PCDHA4: variants seen among roughly 807,000 people sequenced by gnomAD.
PCDHA4 encodes the protein protocadherin alpha-4.
In PCDHA4, 49 loss-of-function variants were observed where a neutral mutation model predicts 61.4. The ratio of observed to expected loss-of-function variants is 0.80; its 90% CI spans 0.63 to 1.01. The LOEUF is 1.01. Ranked by LOEUF, PCDHA4 falls within the 50% of genes least tolerant of loss-of-function variation. PCDHA4 has a pLI of 0.00. For synonymous variants in PCDHA4, 590 were observed against 550.3 expected (o/e 1.07, Z -1.01); for missense variants, 1,254 against 1,235.8 (o/e 1.01, Z -0.22).
At chr5:140,886,436 T>A (rs1434592910) in intron 1 of PCDHA4, among the ~76,000 whole-genome samples, 2 of 152,158 alleles carry the variant, frequency 1.3e-5, no homozygotes, top group African/African-American at 4.8e-5. Context: ...TATTCATTTG[T>A]TTGTACTAAT....
At chr5:140,871,639 A>T in intron 1 of PCDHA4, 1 of 1,347,750 alleles carries the variant, frequency 7.4e-7, no homozygotes, top group East Asian at 2.5e-5. Context: ...CTGTTCATAA[A>T]ATACCAAATG....
At chr5:140,952,257 C>T (rs1224282193) in intron 1 of PCDHA4, among the ~76,000 whole-genome samples, 1 of 151,342 alleles carries the variant, frequency 6.6e-6, no homozygotes, top group Non-Finnish European at 1.5e-5. Flanking sequence ...GGTGGATTCC[C>T]ATTCTGGGGT....
intron 1 of PCDHA4, among the ~76,000 whole-genome samples, chr5:140,911,895 T>C (rs1289494210): frequency 1.3e-5 from 2 of 152,184 alleles, no homozygotes; most frequent in East Asian, 3.8e-4. Flanking sequence ...AAAATCTGTA[T>C]TAGTCAGAGC....
chr5:140,911,724 C>T (rs1255448143), intron 1 of PCDHA4, among the ~76,000 whole-genome samples: 1 of 151,192 alleles, frequency 6.6e-6, no homozygotes, highest in Non-Finnish European at 1.5e-5. Context: ...ACTCTGTAAA[C>T]AGTTCGTGCC....
chr5:140,926,799 T>A, intron 1 of PCDHA4: 2 of 1,456,322 alleles, frequency 1.4e-6, no homozygotes, highest in Non-Finnish European at 1.8e-6. Flanking sequence ...GAGCGTGCTC[T>A]TCCCCGCGGC....
intron 1 of PCDHA4, among the ~76,000 whole-genome samples, chr5:140,900,355 G>A (rs555553636): frequency 1.4e-4 from 21 of 152,070 alleles, no homozygotes; most frequent in East Asian, 3.9e-4. Flanking sequence ...TTGGCTCACC[G>A]CAACCTCTGC....
intron 1 of PCDHA4, among the ~76,000 whole-genome samples, chr5:140,941,126 G>T (rs1194807243): frequency 6.6e-6 from 1 of 151,906 alleles, no homozygotes; most frequent in Non-Finnish European, 1.5e-5. Flanking sequence ...GTCCTTTGAA[G>T]TTCCAGCTTA....
chr5:140,869,293 T>C, intron 1 of PCDHA4: 2 of 1,613,604 alleles, frequency 1.2e-6, no homozygotes, highest in African/African-American at 1.3e-5. Flanking sequence ...GCAGCGCCTG[T>C]TCCGGGTGGC....
At chr5:140,831,691 C>A (rs2150109264) in intron 1 of PCDHA4, among the ~76,000 whole-genome samples, 1 of 152,138 alleles carries the variant, frequency 6.6e-6, no homozygotes, top group Admixed American at 6.6e-5. Context: ...TGAAAAGCAG[C>A]AAAAAGTAGT....
chr5:140,829,686 A>C, intron 1 of PCDHA4: 1 of 1,613,286 alleles, frequency 6.2e-7, no homozygotes, highest in Non-Finnish European at 8.5e-7. Context: ...GAGCTGCTGC[A>C]GTTTCAGGTG....
chr5:140,850,259 C>G lies in PCDHA4; in HGVS notation c.2385+40687C>G, dbSNP rs2150476080. The stretch of plus-strand genomic sequence containing the variant: ...TGGTGCTGCGGTCGGTGGGCGCCGG[C>G]GTAGTGGTGGGGAAGGTGCGCGCAG... On this transcript the variant is annotated intron_variant, in intron 1 of 3. Transcript: ENST00000530339. 10 of 1,593,780 alleles carry G rather than the reference C, an allele frequency of 6.3e-6. 1 individual carries two copies. Among genetic ancestry groups the G allele is most frequent in the African/African-American group, 2.7e-5 (2 of 74,102 alleles).
At chr5:140,821,787 C>T in intron 1 of PCDHA4, 2 of 1,611,374 alleles carry the variant, frequency 1.2e-6, no homozygotes, top group East Asian at 4.5e-5. Context: ...TGGTATATTC[C>T]CGGAGAGGAA....
chr5:140,887,722 T>C (rs1214089693), intron 1 of PCDHA4, among the ~76,000 whole-genome samples: 2 of 152,200 alleles, frequency 1.3e-5, no homozygotes, highest in Non-Finnish European at 2.9e-5. Context: ...AATAGTTTTT[T>C]CTTTCCTTCC....
intron 1 of PCDHA4, among the ~76,000 whole-genome samples, chr5:140,915,282 T>C (rs2077058994): frequency 2.0e-5 from 3 of 152,152 alleles, no homozygotes; most frequent in South Asian, 2.1e-4. Flanking sequence ...CATCATTTAC[T>C]CTTTCTACTT....
At chr5:140,902,917 T>G (rs1235478755) in intron 1 of PCDHA4, among the ~76,000 whole-genome samples, 1 of 152,230 alleles carries the variant, frequency 6.6e-6, no homozygotes, top group Non-Finnish European at 1.5e-5. Context: ...CTGAGTAGTA[T>G]TGCATGGTGT....
chr5:140,911,583 G>C (rs1245667621), intron 1 of PCDHA4, among the ~76,000 whole-genome samples: 4 of 152,150 alleles, frequency 2.6e-5, no homozygotes, highest in African/African-American at 7.2e-5. Context: ...GTGAACTTAG[G>C]AGGAACCAAC....
At chr5:140,843,340 C>T (rs1290060439) in intron 1 of PCDHA4, 3 of 1,595,900 alleles carry the variant, frequency 1.9e-6, no homozygotes, top group African/African-American at 2.7e-5. Context: ...TGGAGAGCGG[C>T]CAGGCTCCAA....
At position 140,941,202 on chromosome 5, in the gene PCDHA4, C is replaced by CCCTTCTTTCTTTCTTT. The variant is rs2092811279; in HGVS notation, c.2386-37746_2386-37745insCTTCTTTCTTTCTTTC. Among the ~76,000 whole-genome samples, 5 of 122,742 alleles carry CCCTTCTTTCTTTCTTT rather than the reference C, an allele frequency of 4.1e-5. No homozygotes were observed. The East Asian group carries it at 1.1e-3, about 27-fold the overall frequency. 80.5% of individuals were successfully genotyped at this position (122,742 alleles called of 152,430 possible). On this transcript the variant is annotated intron_variant, in intron 1 of 3. Transcript: ENST00000530339. ...TCCTGCTTCTTTTTTTTTCTTTCTTCCTTTCTTTCTTCCTTTCTTTCTTTC... is the reference window on the plus strand; with the variant it reads ...TCCTGCTTCTTTTTTTTTCTTTCTTCCCTTCTTTCTTTCTTTCTTTCTTTCTTCCTTTCTTTCTTTC...
intron 1 of PCDHA4, among the ~76,000 whole-genome samples, chr5:140,832,070 T>G (rs1282000636): frequency 6.6e-6 from 1 of 152,252 alleles, no homozygotes; most frequent in Non-Finnish European, 1.5e-5. Context: ...TAATCTGAGA[T>G]GTCTCTAACA....
Sources: allele counts gnomAD v4.1 joint callset (sites outside exome capture counted in the v4.1 genomes callset), GRCh38; gene constraint gnomAD v4.1.1; transcripts MANE v1.5; gene names NCBI Gene and HGNC (gene_info 2026-07-23, HGNC 2026-07-21).